The following C4BPA variants were observed in gnomAD, a reference collection of about 807,000 sequenced individuals.
C4BPA encodes C4b-binding protein alpha chain.
In C4BPA, 31 loss-of-function variants were observed where a neutral mutation model predicts 63.7. That is an observed-to-expected ratio of 0.49 (90% CI 0.37 to 0.66). The LOEUF (loss-of-function observed/expected upper bound fraction) is 0.66, where lower values mean the gene tolerates loss of function less well. Ranked by LOEUF, C4BPA falls within the 30% of genes least tolerant of loss-of-function variation. C4BPA has a pLI of 0.00. For missense variants in C4BPA, 572 were observed against 723.3 expected (o/e 0.79, Z 2.40); for synonymous variants, 259 against 254.7 (o/e 1.02, Z -0.16).
At chr1:207,106,927 C>CG (rs1558084937) in intron 1 of C4BPA, among the ~76,000 whole-genome samples, 1 of 152,000 alleles carries the variant, frequency 6.6e-6, no homozygotes, top group Admixed American at 6.6e-5. Flanking sequence ...AAAGGAGTCA[C>CG]GGGGTTATAT....
intron 6 of C4BPA, 90 bp from the exon 7 acceptor site, chr1:207,126,623 T>C (rs1001696737): frequency 1.1e-6 from 1 of 892,552 alleles, no homozygotes. Flanking sequence ...GGCATTTGTG[T>C]TGCACTTGTA....
chr1:207,133,009 A>C (rs760971961), intron 8 of C4BPA, among the ~76,000 whole-genome samples: 1 of 152,262 alleles, frequency 6.6e-6, no homozygotes, highest in Non-Finnish European at 1.5e-5. Context: ...TGGATGACAG[A>C]GCAGGACCCA....
At chr1:207,139,850 T>C (rs1265705624) in intron 9 of C4BPA, among the ~76,000 whole-genome samples, 1 of 152,184 alleles carries the variant, frequency 6.6e-6, no homozygotes, top group South Asian at 2.1e-4. Flanking sequence ...CAATTAATGA[T>C]TACCAGGCTG....
intron 2 of C4BPA, among the ~76,000 whole-genome samples, 196 bp downstream of exon 2, chr1:207,113,363 C>G (rs1441705994): frequency 6.6e-6 from 1 of 152,090 alleles, no homozygotes; most frequent in Non-Finnish European, 1.5e-5. Context: ...GACACTTTCC[C>G]CTAGATTTTT....
chr1:207,121,450 T>TTTTTA (rs1553256218), intron 4 of C4BPA, among the ~76,000 whole-genome samples: 22 of 151,072 alleles, frequency 1.5e-4, no homozygotes, highest in African/African-American at 5.3e-4. Flanking sequence ...TTTGGTTTTC[T>TTTTTA]TTTGAATTTG....
intron 10 of C4BPA, among the ~76,000 whole-genome samples, chr1:207,142,054 T>C (rs1307129292): frequency 1.3e-5 from 2 of 152,116 alleles, no homozygotes; most frequent in Admixed American, 1.3e-4. Context: ...TTTCTCCTAA[T>C]GTTATCTCTC....
At chr1:207,142,948 A>C (rs1159361012) in intron 10 of C4BPA, among the ~76,000 whole-genome samples, 1 of 152,126 alleles carries the variant, frequency 6.6e-6, no homozygotes, top group African/African-American at 2.4e-5. Flanking sequence ...AGGATCTAGA[A>C]CTAAAATACG....
chr1:207,112,944 T>C, intron 1 of C4BPA, 57 bp from the exon 2 acceptor site: 2 of 1,450,090 alleles, frequency 1.4e-6, no homozygotes, highest in Admixed American at 2.4e-5. Flanking sequence ...TTTATTCTAG[T>C]GCTTTATGAC....
At chr1:207,117,321 C>A (rs537093283) in intron 4 of C4BPA, among the ~76,000 whole-genome samples, 1 of 152,070 alleles carries the variant, frequency 6.6e-6, no homozygotes, top group Admixed American at 6.5e-5. Context: ...TGTGGTAGCA[C>A]GCACTTCTAG....
intron 9 of C4BPA, among the ~76,000 whole-genome samples, chr1:207,140,219 A>T (rs1167849745): frequency 6.6e-6 from 1 of 152,052 alleles, no homozygotes. Flanking sequence ...CTTTTCAGGG[A>T]ATTCCTTATA....
At position 207,143,815 on chromosome 1, in the gene C4BPA, C is replaced by T. The variant is rs780826488; in HGVS notation, c.1445-3C>T. On this transcript the variant is annotated splice_polypyrimidine_tract_variant and splice_region_variant and intron_variant, in intron 10 of 11. Coordinates refer to ENST00000367070, the MANE Select transcript of C4BPA (RefSeq NM_000715.4). ...ATTTCTTAAAAATATGTTTCCATTA[C>T]AGCTCTGTGTCGGAAACCAGAATTA... 9 of 1,604,710 alleles carry T rather than the reference C, an allele frequency of 5.6e-6. No homozygotes were observed. In the South Asian group the frequency reaches 8.8e-5, roughly 16 times the overall value.
In C4BPA at chr1:207,113,067, A is replaced by G; in HGVS notation, c.42A>G (p.Lys14=). ...PKTPSGALHR[K]RKMAAWPFSR... ...CTCCATCTGGGGCTCTTCATAGAAA[A>G]AGGAAAATGGCAGCCTGGCCCTTCT... Residue 14 remains lysine (K), a synonymous_variant, in exon 2 of 12, where the codon AAA becomes AAG. Transcript: ENST00000367070. 4 of 1,609,730 alleles carry G rather than the reference A, an allele frequency of 2.5e-6. No individual in the cohort carries two copies. The highest frequency in any genetic ancestry group is 1.7e-6 in the Non-Finnish European group (2 of 1,178,434).
chr1:207,137,921 A>C (rs928584760), intron 9 of C4BPA, among the ~76,000 whole-genome samples: 1 of 151,892 alleles, frequency 6.6e-6, no homozygotes, highest in African/African-American at 2.4e-5. Context: ...CTGAGCCATA[A>C]ATGTTTCTTA....
chr1:207,135,263 G>A (rs1041673965), intron 9 of C4BPA, among the ~76,000 whole-genome samples: 1 of 152,100 alleles, frequency 6.6e-6, no homozygotes, highest in African/African-American at 2.4e-5. Context: ...ACTTGACCTC[G>A]GGAGGCGGAG....
At chr1:207,116,402 A>G (rs1195447087) in intron 4 of C4BPA, among the ~76,000 whole-genome samples, 1 of 150,478 alleles carries the variant, frequency 6.6e-6, no homozygotes, top group Non-Finnish European at 1.5e-5. Context: ...TTTTATTCTT[A>G]AGTTTTAGGA....
chr1:207,125,206 A>T (rs1331748705), intron 6 of C4BPA, among the ~76,000 whole-genome samples: 2 of 152,230 alleles, frequency 1.3e-5, no homozygotes, highest in Admixed American at 1.3e-4. Context: ...GCAACAAGTG[A>T]AAGCGGCAAT....
chr1:207,135,336 C>T (rs1472531438), intron 9 of C4BPA, among the ~76,000 whole-genome samples: 2 of 151,600 alleles, frequency 1.3e-5, no homozygotes, highest in African/African-American at 4.8e-5. Flanking sequence ...AGAATTTGTC[C>T]CAAAAAGAAA....
rs146232344 is a variant in C4BPA at position 207,132,922 on chromosome 1, C to T, written c.1084+1182C>T. 2.4e-3 allele frequency among the ~76,000 whole-genome samples: 365 copies of T among 152,006 alleles called. 1 individual carries two copies. Among genetic ancestry groups the T allele is most frequent in the African/African-American group, 8.5e-3 (353 of 41,462 alleles). On this transcript the variant is annotated intron_variant, in intron 8 of 11. Coordinates refer to ENST00000367070, the MANE Select transcript of C4BPA (RefSeq NM_000715.4). Reference sequence around the variant, plus strand: ...CGTCTGTAATCCCAGCTACTCAGGACGCTGAGGTAGGAGGATAACTTGAGG... The same window carrying T: ...CGTCTGTAATCCCAGCTACTCAGGATGCTGAGGTAGGAGGATAACTTGAGG...
intron 8 of C4BPA, among the ~76,000 whole-genome samples, chr1:207,132,696 G>A (rs965007643): frequency 2.0e-5 from 3 of 152,122 alleles, no homozygotes; most frequent in Non-Finnish European, 4.4e-5. Context: ...ATAACAAAAA[G>A]TATTGCTTAT....
Sources: gnomAD v4.1 joint callset for allele counts (sites outside exome capture counted in the v4.1 genomes callset) on GRCh38, gnomAD v4.1.1 for gene constraint, MANE v1.5 for transcripts, NCBI Gene and HGNC (gene_info 2026-07-23, HGNC 2026-07-21) for gene names.